The following MAX variants were observed in gnomAD, a reference collection of about 807,000 sequenced individuals.
MAX encodes the protein MYC associated transcriptional regulator X, also known as protein max.
A neutral mutation model predicts 22.3 loss-of-function variants in MAX; 3 were observed. The observed-to-expected ratio is 0.13, with a 90% CI of 0.06 to 0.35. The LOEUF (loss-of-function observed/expected upper bound fraction) is 0.35. Among genes scored for constraint, MAX ranks in the 10% least tolerant of loss-of-function variants. MAX has a pLI of 1.00. For synonymous variants in MAX, 72 were observed against 77.7 expected (o/e 0.93, Z 0.39); for missense variants, 119 against 209.4 (o/e 0.57, Z 2.66).
chr14:65,086,943 C>T (rs2063350383), intron 3 of MAX, among the ~76,000 whole-genome samples: 1 of 152,190 alleles, frequency 6.6e-6, no homozygotes, highest in Admixed American at 6.5e-5. Flanking sequence ...GCCCAGGGTC[C>T]ACAGGTTGTA....
Position 65,075,536 on chromosome 14 carries a change from G to C in MAX, c.*940C>G. 1 of 1,065,492 alleles carries C rather than the reference G, an allele frequency of 9.4e-7. No individual in the cohort carries two copies. The highest frequency in any genetic ancestry group is 1.1e-6 in the Non-Finnish European group (1 of 879,146). The allele number at this position is 1,065,492 out of a possible 1,614,324, so 66.0% of individuals were successfully genotyped here. A position where few individuals can be genotyped will look rare whatever the true frequency, so the allele number is the denominator to read the frequency against. ...CTCTATTTCTTAGAAATACACACGG[G>C]AAGAAAGAAAGATTTCATCATTACT... On this transcript the variant is annotated 3_prime_UTR_variant, in exon 5 of 5. Transcript: ENST00000358664. The surrounding 1 kb of genome is among the most constrained non-coding windows in gnomAD (Gnocchi z 4.1).
rs1171767723 is a variant in MAX at position 65,011,439 on chromosome 14, A to C, written c.172-5155T>G. Among the ~76,000 whole-genome samples, 1 of 151,822 alleles carries C rather than the reference A, an allele frequency of 6.6e-6. No individual in the cohort carries two copies. The highest frequency in any genetic ancestry group is 1.5e-5 in the Non-Finnish European group (1 of 67,898). Reference sequence around the variant, plus strand: ...GCGAGACTCCGTCTCAGGAAAAAAAAAAAAAAAAAAAAAGACTGCATGAAG... The same window carrying C: ...GCGAGACTCCGTCTCAGGAAAAAAACAAAAAAAAAAAAAGACTGCATGAAG... On this transcript the variant is annotated intron_variant, in intron 3 of 3. Transcript: ENST00000341653. The surrounding 1 kb of genome is among the most constrained non-coding windows in gnomAD (Gnocchi z 4.0).
chr14:65,037,893 C>T (rs2062249706), intron 3 of MAX, among the ~76,000 whole-genome samples: 2 of 151,610 alleles, frequency 1.3e-5, no homozygotes, highest in Admixed American at 1.3e-4. Context: ...GATTCTCCTG[C>T]CTCAGCCTCC....
Position 65,027,939 on chromosome 14 carries a change from G to A in MAX, c.172-21655C>T, listed in dbSNP as rs2062013769. On this transcript the variant is annotated intron_variant, in intron 3 of 3. Transcript: ENST00000341653. This position sits in a 1 kb window ranked among gnomAD's most constrained non-coding sequence, Gnocchi z 5.7. Reference sequence around the variant, plus strand: ...AGTGACACGTCAGAATCATTCAGATGTGATGCAGATGTCCTCAGGTGTCAT... The same window carrying A: ...AGTGACACGTCAGAATCATTCAGATATGATGCAGATGTCCTCAGGTGTCAT... Among the ~76,000 whole-genome samples the A allele has an allele frequency of 6.6e-6, 1 of 152,204 alleles. No homozygotes were observed.
intron 3 of MAX, among the ~76,000 whole-genome samples, chr14:65,037,520 G>A (rs1312243816): frequency 1.5e-5 from 2 of 131,592 alleles, no homozygotes; most frequent in Non-Finnish European, 3.1e-5. Flanking sequence ...CTGTTGCCTC[G>A]ACTTTCCAGG....
At chr14:65,065,618 G>A (rs1360059385) in intron 3 of MAX, among the ~76,000 whole-genome samples, 1 of 152,176 alleles carries the variant, frequency 6.6e-6, no homozygotes, top group African/African-American at 2.4e-5. Flanking sequence ...CATGGAAAAG[G>A]TACAGTAAAA....
In MAX at chr14:65,032,657, C is replaced by T; in HGVS notation, c.172-26373G>A. On this transcript the variant is annotated intron_variant, in intron 3 of 3. Coordinates refer to the MAX transcript ENST00000341653. This position sits in a 1 kb window ranked among gnomAD's most constrained non-coding sequence, Gnocchi z 5.0. ...GTAGCCTCGCTGACCAACATCATCACTCCAGACCTCTTTGAGGGCACTGCT... is the reference window on the plus strand; with the variant it reads ...GTAGCCTCGCTGACCAACATCATCATTCCAGACCTCTTTGAGGGCACTGCT... The T allele has an allele frequency of 5.0e-6, 8 of 1,614,004 alleles. No individual in the cohort carries two copies. The highest frequency in any genetic ancestry group is 4.4e-5 in the South Asian group (4 of 91,056).
chr14:65,092,103 T>C (rs1246417106), intron 3 of MAX, among the ~76,000 whole-genome samples: 1 of 152,234 alleles, frequency 6.6e-6, no homozygotes. Flanking sequence ...TGTTATGGCA[T>C]TGTAAAATAG....
intron 3 of MAX, chr14:65,021,924 G>A (rs1312834926): frequency 1.8e-5 from 8 of 455,908 alleles, no homozygotes; most frequent in South Asian, 7.7e-5. Flanking sequence ...AGGATTATAG[G>A]CGTGAGCCAC....
rs2063057098 is a variant in MAX, at chr14:65,076,446, A to G, written c.*30T>C. Reference sequence around the variant, plus strand: ...GGAGGATGAGACGATGGAGACAGACAGTTTTTATTGCTGGCCTGCCCCGAG... The same window carrying G: ...GGAGGATGAGACGATGGAGACAGACGGTTTTTATTGCTGGCCTGCCCCGAG... On this transcript the variant is annotated 3_prime_UTR_variant, in exon 5 of 5. Coordinates refer to ENST00000358664, the MANE Select transcript of MAX (RefSeq NM_002382.5). This position sits in a 1 kb window ranked among gnomAD's most constrained non-coding sequence, Gnocchi z 6.6. 6.2e-7 allele frequency: 1 copy of G among 1,612,314 alleles called. No homozygotes were observed. Among genetic ancestry groups the G allele is most frequent in the Non-Finnish European group, 8.5e-7 (1 of 1,180,000 alleles).
intron 3 of MAX, among the ~76,000 whole-genome samples, chr14:65,021,669 G>T (rs1406195750): frequency 3.9e-5 from 6 of 151,976 alleles, no homozygotes; most frequent in African/African-American, 1.4e-4. Flanking sequence ...TTCCTTTGAG[G>T]CAGTCTTGCT....
chr14:65,006,724 C>G (rs1464572424), intron 3 of MAX, among the ~76,000 whole-genome samples: 1 of 152,228 alleles, frequency 6.6e-6, no homozygotes, highest in East Asian at 1.9e-4. Flanking sequence ...TCCCTTTTCA[C>G]TTACCATCAG....
rs2062866374 is a variant in MAX, at chr14:65,061,592, A to T, written c.171+32116T>A. 3 of 346,714 alleles carry T rather than the reference A, an allele frequency of 8.7e-6. No individual in the cohort carries two copies. The South Asian group carries it at 1.2e-4, about 14-fold the overall frequency. The allele number at this position is 346,714 out of a possible 1,614,324, so 21.5% of individuals were successfully genotyped here. ...TGCCAGGAGGAAGCAGTCCCTCCTC[A>T]CCAGCTCTCCAGCCAGGACGATCAC... On this transcript the variant is annotated intron_variant, in intron 3 of 3. Coordinates refer to the MAX transcript ENST00000341653.
chr14:65,015,684 A>G (rs1474262148), intron 3 of MAX: 1 of 1,614,046 alleles, frequency 6.2e-7, no homozygotes, highest in Non-Finnish European at 8.5e-7. Flanking sequence ...TGGAACTGCT[A>G]GATGAACCCA....
At chr14:65,057,415 C>A (rs2062760947) in intron 3 of MAX, among the ~76,000 whole-genome samples, 2 of 151,872 alleles carry the variant, frequency 1.3e-5, no homozygotes, top group Admixed American at 6.6e-5. Context: ...TGAGACCCTG[C>A]CCCCAGCACC....
chr14:65,024,614 T>C (rs1462386831), intron 3 of MAX, among the ~76,000 whole-genome samples: 2 of 152,050 alleles, frequency 1.3e-5, no homozygotes, highest in African/African-American at 4.8e-5. Context: ...TAAAGAAAAT[T>C]GATGTATTGC....
rs2062020946 is a variant in MAX, at chr14:65,028,339, G to A, written c.172-22055C>T. ...TTATTTTCTTCCATAAGTGTCTGAT[G>A]TACCAAGCAAGTTGCTTCCTCACCT... On this transcript the variant is annotated intron_variant, in intron 3 of 3. Transcript: ENST00000341653. The surrounding 1 kb of genome is among the most constrained non-coding windows in gnomAD (Gnocchi z 4.4). 6.6e-6 allele frequency among the ~76,000 whole-genome samples: 1 copy of A among 152,212 alleles called. No homozygotes were observed. Among genetic ancestry groups the A allele is most frequent in the Non-Finnish European group, 1.5e-5 (1 of 68,042 alleles).
chr14:65,067,027 A>AG lies in MAX; in HGVS notation c.171+26680_171+26681insC, dbSNP rs1261868600. 3.3e-5 allele frequency among the ~76,000 whole-genome samples: 5 copies of AG among 151,454 alleles called. No homozygotes were observed. In the East Asian group the frequency reaches 9.7e-4, roughly 29 times the overall value. ...TCTGTCTCTACAAAAATTAAAAAAA[A>AG]AAAAAAAAATTAGTCGGATGCGGTG... On this transcript the variant is annotated intron_variant, in intron 3 of 3. Transcript: ENST00000341653.
intron 3 of MAX, among the ~76,000 whole-genome samples, chr14:65,018,394 A>G (rs886877009): frequency 6.6e-6 from 1 of 152,228 alleles, no homozygotes; most frequent in Non-Finnish European, 1.5e-5. Flanking sequence ...GAGATGTGAA[A>G]TGAAAATAGT....
Sources: allele counts gnomAD v4.1 joint callset (sites outside exome capture counted in the v4.1 genomes callset), GRCh38; gene constraint gnomAD v4.1.1; non-coding constraint Gnocchi (gnomAD v3.1); transcripts MANE v1.5; gene names NCBI Gene and HGNC (gene_info 2026-07-23, HGNC 2026-07-21).